B9D1: variants seen among roughly 807,000 people sequenced by gnomAD.
The protein encoded by B9D1 is B9 domain containing 1, also known as B9 domain-containing protein 1.
Under a neutral mutation model 26.1 loss-of-function variants are expected in B9D1, and 20 were observed. The ratio of observed to expected loss-of-function variants is 0.77; its 90% confidence interval spans 0.54 to 1.12. B9D1 has a LOEUF of 1.12. Ranked by LOEUF, B9D1 falls within the 50% of genes most tolerant of loss-of-function variation. The probability of loss-of-function intolerance (pLI) is 0.00; values close to 1 mark genes in which losing one functional copy is unlikely to be tolerated. For synonymous variants in B9D1, 105 were observed against 103.1 expected (o/e 1.02, Z -0.11); for missense variants, 260 against 273.7 (o/e 0.95, Z 0.35).
At chr17:19,355,761 G>T (rs1029620751) in intron 3 of B9D1, among the ~76,000 whole-genome samples, 1 of 152,130 alleles carries the variant, frequency 6.6e-6, no homozygotes, top group African/African-American at 2.4e-5. Flanking sequence ...ATGAACCCAG[G>T]AGGCAGAGCT....
chr17:19,339,515 T>C (rs754393337), downstream of B9D1, among the ~76,000 whole-genome samples: 3 of 152,228 alleles, frequency 2.0e-5, no homozygotes, highest in Non-Finnish European at 4.4e-5. Context: ...GTTTGTTTTT[T>C]CTGTTTTTTG....
At chr17:19,366,428 A>G (rs139284848), upstream of B9D1, among the ~76,000 whole-genome samples, 546 of 152,092 alleles carry the variant, frequency 3.6e-3, 4 homozygotes, top group African/African-American at 0.012. Context: ...GCTGGCTGAG[A>G]CCAACAGTAA....
downstream of B9D1, among the ~76,000 whole-genome samples, chr17:19,340,469 G>T (rs866348784): frequency 4.4e-4 from 66 of 150,584 alleles, no homozygotes; most frequent in African/African-American, 1.5e-3. Context: ...ACCATGTCCG[G>T]CCTGGTTGTG....
Position 19,343,242 on chromosome 17 carries a change from C to T in B9D1, c.*77G>A, listed in dbSNP as rs1598044675. The stretch of plus-strand genomic sequence containing the variant: ...CCCCCAGCTCTGGCCACCAGGCTGC[C>T]CCTCAGGCCGATGGGCAGCGGCTGA... On this transcript the variant is annotated 3_prime_UTR_variant, in exon 7 of 7. Transcript: ENST00000261499. 8 of 1,607,030 alleles carry T rather than the reference C, an allele frequency of 5.0e-6. No homozygotes were observed. In the East Asian group the frequency reaches 1.1e-4, roughly 22 times the overall value.
downstream of B9D1, among the ~76,000 whole-genome samples, chr17:19,339,242 T>A (rs1907704837): frequency 6.6e-6 from 1 of 152,146 alleles, no homozygotes; most frequent in Admixed American, 6.5e-5. Context: ...TGCCTTTCAT[T>A]TCTGCTTGCA....
chr17:19,361,970 A>T (rs1911132625), intron 1 of B9D1, among the ~76,000 whole-genome samples: 1 of 152,202 alleles, frequency 6.6e-6, no homozygotes, highest in African/African-American at 2.4e-5. Flanking sequence ...GCGTTGGTTT[A>T]TATTTACAAT....
At chr17:19,351,395 T>G (rs889690377) in intron 3 of B9D1, among the ~76,000 whole-genome samples, 1 of 152,384 alleles carries the variant, frequency 6.6e-6, no homozygotes, top group Admixed American at 6.5e-5. Flanking sequence ...AGTTTTGAAT[T>G]CAGTTTCTGA....
upstream of B9D1, chr17:19,364,527 G>C (rs769167393): frequency 6.6e-6 from 1 of 152,314 alleles, no homozygotes; most frequent in Non-Finnish European, 1.5e-5. This position sits in a 1 kb window ranked among gnomAD's most constrained non-coding sequence, Gnocchi z 4.3. Flanking sequence ...TGGAGGAGAA[G>C]GTAGTTTCTG....
rs1464143616 is a variant in B9D1 at position 19,372,485 on chromosome 17, C to T, written c.-298+5374G>A. Among the ~76,000 whole-genome samples the T allele has an allele frequency of 2.0e-5, 3 of 152,230 alleles. No homozygotes were observed. Among genetic ancestry groups the T allele is most frequent in the South Asian group, 4.1e-4 (2 of 4,832 alleles). On this transcript the variant is annotated intron_variant, in intron 1 of 5. Transcript: ENST00000477478. This position sits in a 1 kb window ranked among gnomAD's most constrained non-coding sequence, Gnocchi z 4.4. The stretch of plus-strand genomic sequence containing the variant: ...ACCCGCATCAGCTCTGTGTCCTTTG[C>T]CCCCACTGTCCCTCTGCTGCCGCAT...
chr17:19,366,476 C>T (rs539179686), upstream of B9D1, among the ~76,000 whole-genome samples: 4 of 152,122 alleles, frequency 2.6e-5, no homozygotes, highest in East Asian at 1.9e-4. Flanking sequence ...TACACCCCCA[C>T]GAAGTCCTGA....
chr17:19,362,425 C>T, intron 1 of B9D1, 82 bp downstream of exon 1: 1 of 1,068,548 alleles, frequency 9.4e-7, no homozygotes, highest in Non-Finnish European at 1.3e-6. Flanking sequence ...TCTCCGGGGG[C>T]CACAGGGCAG....
At chr17:19,341,906 A>G (rs1429259214), downstream of B9D1, among the ~76,000 whole-genome samples, 1 of 152,178 alleles carries the variant, frequency 6.6e-6, no homozygotes, top group Non-Finnish European at 1.5e-5. Flanking sequence ...GGGCTGGGCC[A>G]GGAGCTTGGA....
Position 19,347,855 on chromosome 17 carries a change from A to T in B9D1, c.270T>A (p.Tyr90Ter). The T allele has an allele frequency of 6.2e-7, 1 of 1,614,134 alleles. No homozygotes were observed. Among genetic ancestry groups the T allele is most frequent in the Non-Finnish European group, 8.5e-7 (1 of 1,180,022 alleles). Reference protein sequence around the residue: ...YGWPQIVLSVYGPDVFGNDVV... With the variant: ...YGWPQIVLSV ...CATCGTTCCCGAACACATCTGGTCC[A>T]TACACGCTGAGCACGATCTGTGGCC... The change falls in exon 4 of 7, where the codon TAT becomes TAA. Residue 90 changes from tyrosine to a stop codon, truncating the protein, a stop_gained. Transcript: ENST00000261499. LOFTEE classifies it high-confidence loss of function. The surrounding 1 kb of genome is among the most constrained non-coding windows in gnomAD (Gnocchi z 4.3).
Position 19,359,526 on chromosome 17 carries a change from C to T in B9D1, c.132+794G>A, listed in dbSNP as rs1425099435. 2.6e-5 allele frequency among the ~76,000 whole-genome samples: 4 copies of T among 152,190 alleles called. No individual in the cohort carries two copies. Among genetic ancestry groups the T allele is most frequent in the South Asian group, 2.1e-4 (1 of 4,836 alleles). ...GCAAGGCCCTCCCTGGCAGCCTTAG[C>T]GAGATCGCAGCCTCCTTCTCATCAC... is the stretch of plus-strand genomic sequence containing the variant. On this transcript the variant is annotated intron_variant, in intron 2 of 6. Coordinates refer to ENST00000261499, the MANE Select transcript of B9D1 (RefSeq NM_015681.6). The surrounding 1 kb of genome is among the most constrained non-coding windows in gnomAD (Gnocchi z 5.0).
chr17:19,343,504 G>C (rs770704711), intron 6 of B9D1, 43 bp from the exon 7 acceptor site: 2 of 1,613,460 alleles, frequency 1.2e-6, no homozygotes, highest in South Asian at 2.2e-5. Flanking sequence ...GGCTGGGGCA[G>C]AGAGAGACCC....
upstream of B9D1, among the ~76,000 whole-genome samples, chr17:19,366,251 T>G (rs1295547226): frequency 6.6e-6 from 1 of 151,934 alleles, no homozygotes; most frequent in East Asian, 1.9e-4. Context: ...CTCAGCACCT[T>G]CAAGGGGTGG....
At chr17:19,337,811 C>T, downstream of B9D1, 1 of 1,168,584 alleles carries the variant, frequency 8.6e-7, no homozygotes, top group Non-Finnish European at 1.2e-6. Flanking sequence ...CTGGAATTGC[C>T]TCACTGCCAC....
In B9D1 at chr17:19,358,036, G is replaced by A. The variant is rs1177312903; in HGVS notation, c.133-85C>T. The stretch of plus-strand genomic sequence containing the variant: ...TCCCCTTACCTTCAGCAGGCAGTTG[G>A]GAGGGCTGTTTTCTCAGCTGTCTTC... On this transcript the variant is annotated intron_variant, in intron 2 of 6. Coordinates refer to ENST00000261499, the MANE Select transcript of B9D1 (RefSeq NM_015681.6). 3.0e-6 allele frequency: 3 copies of A among 996,930 alleles called. No homozygotes were observed. The African/African-American group carries it at 4.8e-5, about 16-fold the overall frequency. 61.8% of individuals were successfully genotyped at this position (996,930 alleles called of 1,614,324 possible). A position where few individuals can be genotyped will look rare whatever the true frequency, so the allele number is the denominator to read the frequency against.
chr17:19,345,984 A>G (rs991746999), intron 5 of B9D1, among the ~76,000 whole-genome samples: 5 of 152,226 alleles, frequency 3.3e-5, no homozygotes, highest in African/African-American at 4.8e-5. Context: ...GAGCCCCTCC[A>G]CAGGGGCTGT....
Sources: gnomAD v4.1 joint callset for allele counts (sites outside exome capture counted in the v4.1 genomes callset) on GRCh38, gnomAD v4.1.1 for gene constraint, Gnocchi (gnomAD v3.1) non-coding constraint, MANE v1.5 for transcripts, NCBI Gene and HGNC (gene_info 2026-07-23, HGNC 2026-07-21) for gene names.